HIP1: variants seen among roughly 807,000 people sequenced by gnomAD.
The protein encoded by HIP1 is huntingtin-interacting protein 1.
Under a neutral mutation model 147.6 loss-of-function variants are expected in HIP1, and 65 were observed. The ratio of observed to expected loss-of-function variants is 0.44; its 90% CI spans 0.36 to 0.54. The LOEUF (loss-of-function observed/expected upper bound fraction) is 0.54. Ranked by LOEUF, HIP1 falls within the 20% of genes least tolerant of loss-of-function variation. The pLI is 0.00. For synonymous variants in HIP1, 479 were observed against 504.0 expected (o/e 0.95, Z 0.67); for missense variants, 1,061 against 1,299.6 (o/e 0.82, Z 2.82).
At chr7:75,570,372 A>C (rs1254173070) in intron 8 of HIP1, among the ~76,000 whole-genome samples, 1 of 150,808 alleles carries the variant, frequency 6.6e-6, no homozygotes. Flanking sequence ...GCTCACTGCA[A>C]GCTCCACCTC....
At chr7:75,689,672 C>T (rs1035715244) in intron 1 of HIP1, among the ~76,000 whole-genome samples, 11 of 152,186 alleles carry the variant, frequency 7.2e-5, no homozygotes, top group Admixed American at 5.9e-4. Flanking sequence ...GTACAGTTTT[C>T]GACTGCAGCT....
At chr7:75,576,050 G>A (rs139429154) in intron 7 of HIP1, among the ~76,000 whole-genome samples, 102 of 152,230 alleles carry the variant, frequency 6.7e-4, no homozygotes, top group African/African-American at 1.1e-3. Context: ...CAGGAACCAC[G>A]GGCTGTTCCA....
intron 1 of HIP1, among the ~76,000 whole-genome samples, chr7:75,659,615 C>T (rs781806275): frequency 6.6e-6 from 1 of 151,766 alleles, no homozygotes; most frequent in Non-Finnish European, 1.5e-5. Flanking sequence ...CGCCACTGGA[C>T]TCCAGCCTGG....
At chr7:75,585,813 T>C (rs147820649) in intron 5 of HIP1, among the ~76,000 whole-genome samples, 5 of 151,906 alleles carry the variant, frequency 3.3e-5, no homozygotes, top group Non-Finnish European at 5.9e-5. Flanking sequence ...TTGTGTCACC[T>C]TCTTCTCTCT....
At chr7:75,709,216 G>A (rs782795704) in intron 1 of HIP1, among the ~76,000 whole-genome samples, 1 of 150,782 alleles carries the variant, frequency 6.6e-6, no homozygotes, top group Non-Finnish European at 1.5e-5. Flanking sequence ...GGGTTCAAGC[G>A]ATTCCCCTGC....
chr7:75,737,414 G>T (rs1195800230), intron 1 of HIP1, among the ~76,000 whole-genome samples: 3 of 151,992 alleles, frequency 2.0e-5, no homozygotes, highest in Non-Finnish European at 4.4e-5. Flanking sequence ...CGCCATCTCG[G>T]CTCACTGCAA....
Position 75,731,220 on chromosome 7 carries a change from C to T in HIP1, c.120+7581G>A, listed in dbSNP as rs1290540885. 4.6e-5 allele frequency among the ~76,000 whole-genome samples: 7 copies of T among 151,776 alleles called. 1 individual carries two copies. Among genetic ancestry groups the T allele is most frequent in the Non-Finnish European group, 7.4e-5 (5 of 67,940 alleles). On this transcript the variant is annotated intron_variant, in intron 1 of 30. Transcript: ENST00000336926. ...GTTCTGGGCCAGGCGCAGTTGCTCC[C>T]GCCTGTAATCCCAGCACTTTGGGAG...
intron 13 of HIP1, 142 bp downstream of exon 13, chr7:75,561,187 C>T (rs1286770844): frequency 9.6e-6 from 7 of 729,236 alleles, no homozygotes; most frequent in Non-Finnish European, 1.8e-5. Context: ...CTCCCGACCT[C>T]AGGTAATCCT....
chr7:75,731,929 G>A (rs1260917489), intron 1 of HIP1, among the ~76,000 whole-genome samples: 2 of 152,120 alleles, frequency 1.3e-5, no homozygotes, highest in Non-Finnish European at 2.9e-5. Context: ...AGGGGGCCCA[G>A]AGAAACAGTA....
At position 75,734,432 on chromosome 7, in the gene HIP1, C is replaced by T. The variant is rs1165133922; in HGVS notation, c.120+4369G>A. ...CTGCACTCCAGACTGGACAATAGAGCGAGACCATCTCTTACATAAAAATAA... is the reference window on the plus strand; with the variant it reads ...CTGCACTCCAGACTGGACAATAGAGTGAGACCATCTCTTACATAAAAATAA... On this transcript the variant is annotated intron_variant, in intron 1 of 30. Coordinates refer to ENST00000336926, the MANE Select transcript of HIP1 (RefSeq NM_005338.7). Among the ~76,000 whole-genome samples the T allele has an allele frequency of 2.6e-5, 4 of 151,960 alleles. No individual in the cohort carries two copies. The East Asian group carries it at 5.8e-4, about 22-fold the overall frequency.
At chr7:75,640,259 C>G (rs1428047040) in intron 1 of HIP1, among the ~76,000 whole-genome samples, 1 of 152,178 alleles carries the variant, frequency 6.6e-6, no homozygotes, top group African/African-American at 2.4e-5. Context: ...TAGATCAACC[C>G]CACTTTATAC....
intron 1 of HIP1, among the ~76,000 whole-genome samples, chr7:75,734,941 T>A (rs1801971031): frequency 6.6e-6 from 1 of 152,182 alleles, no homozygotes; most frequent in African/African-American, 2.4e-5. Context: ...CATTACCTAG[T>A]ACCACATCTA....
intron 1 of HIP1, among the ~76,000 whole-genome samples, chr7:75,664,242 C>T (rs1554514200): frequency 7.4e-6 from 1 of 134,750 alleles, no homozygotes; most frequent in Non-Finnish European, 1.6e-5. Flanking sequence ...TATACATACA[C>T]ATACTATATA....
chr7:75,589,712 AAAAGAC>A, intron 4 of HIP1, among the ~76,000 whole-genome samples: 3 of 102,980 alleles, frequency 2.9e-5, no homozygotes, highest in African/African-American at 4.6e-5. Context: ...AAAAAAAAAA[AAAAGAC>A]TTTTTTTTTG....
At chr7:75,651,438 TAC>T (rs1429793478) in intron 1 of HIP1, among the ~76,000 whole-genome samples, 1 of 115,498 alleles carries the variant, frequency 8.7e-6, no homozygotes, top group East Asian at 2.6e-4. Context: ...CAGCCTGGGT[TAC>T]AGAGTGAGAC....
At chr7:75,605,194 G>A (rs1797177628) in intron 1 of HIP1, among the ~76,000 whole-genome samples, 1 of 152,120 alleles carries the variant, frequency 6.6e-6, no homozygotes, top group Non-Finnish European at 1.5e-5. Flanking sequence ...ATGCTCTTTG[G>A]TTCCAAGCCC....
At chr7:75,586,615 G>C (rs1354711787) in intron 5 of HIP1, 138 bp downstream of exon 5, 2 of 647,718 alleles carry the variant, frequency 3.1e-6, no homozygotes, top group Non-Finnish European at 5.6e-6. Flanking sequence ...CTCACAGCTT[G>C]GGTACATGAT....
chr7:75,665,546 ATT>A (rs11437703), intron 1 of HIP1, among the ~76,000 whole-genome samples: 1 of 144,684 alleles, frequency 6.9e-6, no homozygotes. Flanking sequence ...TTCCGTAGTC[ATT>A]TTTTTTTTTT....
intron 1 of HIP1, among the ~76,000 whole-genome samples, chr7:75,668,774 A>G (rs1799637900): frequency 6.6e-6 from 1 of 152,204 alleles, no homozygotes; most frequent in African/African-American, 2.4e-5. Context: ...TCTATATGCA[A>G]TCAGAATAAT....
Sources: allele counts gnomAD v4.1 joint callset (sites outside exome capture counted in the v4.1 genomes callset), GRCh38; gene constraint gnomAD v4.1.1; transcripts MANE v1.5; gene names NCBI Gene and HGNC (gene_info 2026-07-23, HGNC 2026-07-21).